The following KDM3B variants were observed in gnomAD, a reference collection of about 807,000 sequenced individuals.
The protein encoded by KDM3B is lysine-specific demethylase 3B.
KDM3B carries 10 observed loss-of-function variants against 170.0 expected under a neutral mutation model. That is an observed-to-expected ratio of 0.06 (90% confidence interval 0.04 to 0.10). The LOEUF is 0.10. Among genes scored for constraint, KDM3B ranks in the 10% least tolerant of loss-of-function variants. The probability of loss-of-function intolerance (pLI) is 1.00; values close to 1 mark genes in which losing one functional copy is unlikely to be tolerated. For missense variants in KDM3B, 1,394 were observed against 2,195.2 expected (o/e 0.64, Z 7.29); for synonymous variants, 831 against 834.8 (o/e 1.00, Z 0.08).
At chr5:138,411,033 A>G (rs1403071776) in intron 11 of KDM3B, among the ~76,000 whole-genome samples, 2 of 152,166 alleles carry the variant, frequency 1.3e-5, no homozygotes, top group African/African-American at 4.8e-5. Context: ...GGCCCTCCAC[A>G]AGAGGTGGAG....
intron 1 of KDM3B, among the ~76,000 whole-genome samples, chr5:138,368,439 T>C (rs1393115728): frequency 2.6e-5 from 4 of 152,138 alleles, no homozygotes; most frequent in South Asian, 2.1e-4. Flanking sequence ...TCTTGCTATG[T>C]TGCCAGGGCT....
rs188051723 is a variant in KDM3B, at chr5:138,392,921, A to G, written c.2630-250A>G. Among the ~76,000 whole-genome samples, 469 of 152,322 alleles carry G rather than the reference A, an allele frequency of 3.1e-3. 1 individual carries two copies. Among genetic ancestry groups the G allele is most frequent in the Admixed American group, 7.0e-3 (107 of 15,306 alleles). Reference sequence around the variant, plus strand: ...CATTCTGGCTTCTTATGTTTTTCACATCCATATTCAAAGTTGTTTTGCCAT... The same window carrying G: ...CATTCTGGCTTCTTATGTTTTTCACGTCCATATTCAAAGTTGTTTTGCCAT... On this transcript the variant is annotated intron_variant, in intron 8 of 23. Transcript: ENST00000314358.
At chr5:138,411,358 G>T (rs756046982) in intron 11 of KDM3B, among the ~76,000 whole-genome samples, 21 of 152,162 alleles carry the variant, frequency 1.4e-4, no homozygotes, top group Non-Finnish European at 3.1e-4. Context: ...TTGGGATAAA[G>T]AATAATTACT....
chr5:138,357,779 G>T (rs1191003218), intron 1 of KDM3B, among the ~76,000 whole-genome samples: 1 of 151,716 alleles, frequency 6.6e-6, no homozygotes, highest in Non-Finnish European at 1.5e-5. Context: ...GAGTGCAGTG[G>T]CGCGATATTG....
intron 17 of KDM3B, chr5:138,426,647 T>C (rs975328656): frequency 5.2e-5 from 13 of 249,352 alleles, no homozygotes; most frequent in Non-Finnish European, 9.7e-5. Context: ...TCCCAGCACT[T>C]TGGGAGGCCA....
intron 11 of KDM3B, among the ~76,000 whole-genome samples, chr5:138,401,156 A>G (rs2126964014): frequency 6.6e-6 from 1 of 151,992 alleles, no homozygotes; most frequent in East Asian, 1.9e-4. Flanking sequence ...CTGTAATCCC[A>G]GCTACTCAAG....
chr5:138,375,863 G>C (rs1217938595), intron 3 of KDM3B, among the ~76,000 whole-genome samples: 1 of 151,946 alleles, frequency 6.6e-6, no homozygotes, highest in Non-Finnish European at 1.5e-5. Flanking sequence ...TATTAGTAGA[G>C]ATGGGGTTTC....
chr5:138,355,753 C>T (rs1286250834), intron 1 of KDM3B, among the ~76,000 whole-genome samples: 2 of 152,106 alleles, frequency 1.3e-5, no homozygotes, highest in South Asian at 2.1e-4. Flanking sequence ...GGGACCGTCA[C>T]GTATATGGGT....
intron 11 of KDM3B, among the ~76,000 whole-genome samples, chr5:138,413,964 A>C (rs900906703): frequency 1.3e-5 from 2 of 152,118 alleles, no homozygotes; most frequent in Non-Finnish European, 2.9e-5. Context: ...AAACAGTCCA[A>C]ATGTTCACCA....
At position 138,420,688 on chromosome 5, in the gene KDM3B, C is replaced by G. The variant is rs576169268; in HGVS notation, c.3716-18C>G. 183 of 1,613,156 alleles carry G rather than the reference C, an allele frequency of 1.1e-4. 1 individual carries two copies. The South Asian group carries it at 2.0e-3, about 17-fold the overall frequency. ...TTCCTTTTTGTACCTAATGCTGTTCCTGGTTATGTTCTTACAGAAGCAGGG... is the reference window on the plus strand; with the variant it reads ...TTCCTTTTTGTACCTAATGCTGTTCGTGGTTATGTTCTTACAGAAGCAGGG... On this transcript the variant is annotated intron_variant, in intron 14 of 23. Transcript: ENST00000314358.
intron 3 of KDM3B, 53 bp from the exon 4 acceptor site, chr5:138,377,667 A>G (rs1341283314): frequency 6.4e-6 from 8 of 1,249,706 alleles, no homozygotes; most frequent in African/African-American, 4.4e-5. Context: ...AGCTGATTAG[A>G]TGTTTGCTAT....
intron 23 of KDM3B, among the ~76,000 whole-genome samples, chr5:138,433,740 G>A (rs932611650): frequency 6.6e-6 from 1 of 151,760 alleles, no homozygotes; most frequent in African/African-American, 2.4e-5. Context: ...TATAATCAAC[G>A]TTGGTGTTTG....
At chr5:138,387,768 G>C (rs564299611) in intron 7 of KDM3B, among the ~76,000 whole-genome samples, 17 of 152,246 alleles carry the variant, frequency 1.1e-4, no homozygotes, top group African/African-American at 4.1e-4. Context: ...AATCATCATA[G>C]TGTCTGAATT....
At chr5:138,406,783 A>G (rs996911703) in intron 11 of KDM3B, among the ~76,000 whole-genome samples, 4 of 152,196 alleles carry the variant, frequency 2.6e-5, no homozygotes, top group African/African-American at 9.7e-5. Flanking sequence ...ATGTAGGCAC[A>G]GTGGCGTGTG....
At chr5:138,424,441 A>G (rs1431023385) in intron 16 of KDM3B, 100 bp downstream of exon 16, 13 of 1,371,196 alleles carry the variant, frequency 9.5e-6, no homozygotes, top group South Asian at 2.8e-5. Context: ...AGATTTAGAC[A>G]TAGTGAGGTT....
chr5:138,381,478 G>A, intron 5 of KDM3B, 38 bp from the exon 6 acceptor site: 1 of 1,201,058 alleles, frequency 8.3e-7, no homozygotes, highest in Admixed American at 1.7e-5. Flanking sequence ...TGTCTTTATG[G>A]ACAAGGCATT....
At chr5:138,412,906 G>A (rs1763010073) in intron 11 of KDM3B, among the ~76,000 whole-genome samples, 1 of 152,330 alleles carries the variant, frequency 6.6e-6, no homozygotes, top group Middle Eastern at 3.4e-3. Flanking sequence ...GCCTCCCAAA[G>A]TGCTACAGGT....
chr5:138,383,167 C>T (rs3777383), intron 6 of KDM3B, among the ~76,000 whole-genome samples: 38,558 of 150,716 alleles, frequency 0.26, 5,560 homozygotes, highest in East Asian at 0.56. Context: ...GAGATGGAGT[C>T]TTGCTCTGTC....
intron 11 of KDM3B, among the ~76,000 whole-genome samples, chr5:138,400,268 T>G (rs1762649378): frequency 6.6e-6 from 1 of 152,042 alleles, no homozygotes; most frequent in Non-Finnish European, 1.5e-5. Context: ...AGATTCTCGC[T>G]CTGTTGCCCA....
Sources: allele counts gnomAD v4.1 joint callset (sites outside exome capture counted in the v4.1 genomes callset), GRCh38; gene constraint gnomAD v4.1.1; transcripts MANE v1.5; gene names NCBI Gene and HGNC (gene_info 2026-07-23, HGNC 2026-07-21).